The following FBN2 variants were observed in gnomAD, a reference collection of about 807,000 sequenced individuals.
FBN2 encodes fibrillin-2.
In FBN2, 105 loss-of-function variants were observed where a neutral mutation model predicts 355.6. The ratio of observed to expected loss-of-function variants is 0.30; its 90% CI spans 0.25 to 0.35. FBN2 has a LOEUF of 0.35. Among genes scored for constraint, FBN2 ranks in the 10% least tolerant of loss-of-function variants. The pLI is 1.00. For synonymous variants in FBN2, 1,350 were observed against 1,301.2 expected, an observed-to-expected ratio of 1.04 and a Z score of -0.81; for missense variants, 3,280 against 3,758.7, an observed-to-expected ratio of 0.87 and a Z score of 3.33.
intron 48 of FBN2, among the ~76,000 whole-genome samples, chr5:128,299,184 G>A (rs1043662335): frequency 2.6e-5 from 4 of 151,970 alleles, no homozygotes; most frequent in African/African-American, 9.7e-5. Context: ...GAGGCAGTCT[G>A]CCCGTTCTCA....
intron 7 of FBN2, among the ~76,000 whole-genome samples, chr5:128,432,270 A>T (rs1035407264): frequency 1.1e-4 from 17 of 152,194 alleles, no homozygotes; most frequent in African/African-American, 4.1e-4. Flanking sequence ...GCTTATTAAT[A>T]TTAAAATAAA....
chr5:128,492,248 T>C (rs1010438068), intron 5 of FBN2, among the ~76,000 whole-genome samples: 18 of 152,226 alleles, frequency 1.2e-4, no homozygotes, highest in African/African-American at 4.1e-4. Flanking sequence ...TTACTCACTA[T>C]AACCCAAGAT....
intron 5 of FBN2, among the ~76,000 whole-genome samples, chr5:128,484,310 TAGTTA>T (rs1755275734): frequency 1.3e-5 from 2 of 152,216 alleles, no homozygotes; most frequent in African/African-American, 4.8e-5. Context: ...AAAAGGGAAT[TAGTTA>T]AAGCTAAAAT....
rs1012820418 is a variant in FBN2, at chr5:128,350,039, A to G, written c.2813-34T>C. 13 of 1,521,164 alleles carry G rather than the reference A, an allele frequency of 8.5e-6. No homozygotes were observed. In the African/African-American group the frequency reaches 1.5e-4, roughly 18 times the overall value. The allele number at this position is 1,521,164 out of a possible 1,614,324, so 94.2% of individuals were successfully genotyped here. A position where few individuals can be genotyped will look rare whatever the true frequency, so the allele number is the denominator to read the frequency against. On this transcript the variant is annotated intron_variant, in intron 21 of 64. Transcript: ENST00000262464. ...ACAACAGGACAAATTTTACTTCATTATAGAATAAAATACAACCATGGTATG... is the reference window on the plus strand; with the variant it reads ...ACAACAGGACAAATTTTACTTCATTGTAGAATAAAATACAACCATGGTATG...
intron 35 of FBN2, 75 bp downstream of exon 35, chr5:128,318,804 C>G: frequency 6.7e-7 from 1 of 1,503,278 alleles, no homozygotes; most frequent in Non-Finnish European, 9.2e-7. Context: ...GCAGAAATCT[C>G]AGGAATTTTT....
At chr5:128,448,687 T>C (rs1330447825) in intron 6 of FBN2, among the ~76,000 whole-genome samples, 2 of 152,180 alleles carry the variant, frequency 1.3e-5, no homozygotes, top group Non-Finnish European at 2.9e-5. Context: ...TGTAATATTA[T>C]AAATACCCTA....
chr5:128,436,060 T>G (rs1483196052), intron 7 of FBN2, among the ~76,000 whole-genome samples: 1 of 149,998 alleles, frequency 6.7e-6, no homozygotes, highest in Non-Finnish European at 1.5e-5. Flanking sequence ...AATATGGCTG[T>G]TAGTTAACTA....
intron 7 of FBN2, among the ~76,000 whole-genome samples, chr5:128,413,639 A>G (rs139355685): frequency 6.4e-4 from 97 of 152,310 alleles, no homozygotes; most frequent in African/African-American, 2.2e-3. Flanking sequence ...TTTGATAAGT[A>G]GTGATAACAT....
In FBN2 at chr5:128,527,955, C is replaced by A. The variant is rs779482726; in HGVS notation, c.449G>T (p.Ser150Ile). The A allele has an allele frequency of 5.6e-6, 9 of 1,610,576 alleles. No individual in the cohort carries two copies. The highest frequency in any genetic ancestry group is 7.6e-6 in the Non-Finnish European group (9 of 1,177,174). The change falls in exon 4 of 65, where the codon AGT (serine) becomes ATT (isoleucine). Residue 150 changes from serine (S) to isoleucine (I), a missense_variant. Ser to Ile is a moderately radical substitution (Grantham distance 142). This residue lies in a region of FBN2 where 130 missense variants were observed against 189.9 expected (regional missense o/e 0.68). Transcript: ENST00000262464. ...GGTCCCACCATTCATGCATCTCACACTGCACTGCTGAACTGCAAAGAGCAA... is the reference window on the plus strand; with the variant it reads ...GGTCCCACCATTCATGCATCTCACAATGCACTGCTGAACTGCAAAGAGCAA... ...TCGSKSIQQC[S>I]VRCMNGGTCA...
Position 128,459,623 on chromosome 5 carries a change from C to T in FBN2, c.826+5101G>A, listed in dbSNP as rs372932357. ...TTATCCACCACCATCAAGTCAGCTT[C>T]GTCCCCAGGATGCAAGGCTGGTTCA... On this transcript the variant is annotated intron_variant, in intron 6 of 64. Transcript: ENST00000262464. Among the ~76,000 whole-genome samples the T allele has an allele frequency of 1.1e-4, 17 of 152,328 alleles. No homozygotes were observed. The East Asian group carries it at 1.2e-3, about 10-fold the overall frequency.
At chr5:128,483,257 C>G (rs758748416) in intron 5 of FBN2, among the ~76,000 whole-genome samples, 1 of 152,150 alleles carries the variant, frequency 6.6e-6, no homozygotes, top group Non-Finnish European at 1.5e-5. Flanking sequence ...ACCTCAGCAT[C>G]TTGCAATATA....
intron 50 of FBN2, 91 bp from the exon 51 acceptor site, chr5:128,290,038 T>A: frequency 1.3e-6 from 1 of 757,110 alleles, no homozygotes; most frequent in Non-Finnish European, 2.4e-6. Flanking sequence ...GAAATTACAC[T>A]TAATTATGTT....
Position 128,537,444 on chromosome 5 carries a change from A to T in FBN2, c.160T>A (p.Ser54Thr), listed in dbSNP as rs1756885112. The change falls in exon 1 of 65, where the codon TCT (serine) becomes ACT (threonine). Residue 54 changes from serine to threonine, a missense_variant. Around this residue, in one of 6 missense-constraint regions of FBN2, gnomAD observed 203 missense variants for 142.2 expected, o/e 1.43. Transcript: ENST00000262464. Reference sequence around the variant, plus strand: ...TCGGGCGCTAGAAACCCGCCTTCAGAGCCTGCTGTAGCGGACCGAACCTGT... The same window carrying T: ...TCGGGCGCTAGAAACCCGCCTTCAGTGCCTGCTGTAGCGGACCGAACCTGT... ...PQQVRSATAGSEGGFLAPEYR... is the reference protein window; with the variant it reads ...PQQVRSATAGTEGGFLAPEYR... 4 of 1,608,090 alleles carry T rather than the reference A, an allele frequency of 2.5e-6. No homozygotes were observed. The highest frequency in any genetic ancestry group is 1.7e-6 in the Non-Finnish European group (2 of 1,178,422).
rs753912399 is a variant in FBN2, at chr5:128,349,964, T to C, written c.2854A>G (p.Thr952Ala). The C allele has an allele frequency of 3.1e-6, 5 of 1,613,428 alleles. No homozygotes were observed. Among genetic ancestry groups the C allele is most frequent in the Non-Finnish European group, 4.2e-6 (5 of 1,179,412 alleles). ...GGAAGGATACACTCACCTTCACACG[T>C]AACACCTTTAATCCTGGCAAGCCCT... Reference protein sequence around the residue: ...PRGLARIKGVTCEDVNECEVF... With the variant: ...PRGLARIKGVACEDVNECEVF... The change falls in exon 22 of 65, where the codon ACG becomes GCG. Residue 952 changes from threonine to alanine, a missense_variant. This residue lies in a region of FBN2 where 2,284 missense variants were observed against 2,749.5 expected (regional missense o/e 0.83). Coordinates refer to ENST00000262464, the MANE Select transcript of FBN2 (RefSeq NM_001999.4).
intron 34 of FBN2, among the ~76,000 whole-genome samples, chr5:128,327,014 C>T (rs171527): frequency 0.16 from 24,974 of 152,202 alleles, 2,304 homozygotes; most frequent in Non-Finnish European, 0.21. Context: ...TGACCTGTTC[C>T]TTCTCCCACT....
intron 61 of FBN2, 33 bp from the exon 62 acceptor site, chr5:128,272,151 C>T (rs28763921): frequency 9.9e-6 from 16 of 1,613,306 alleles, no homozygotes; most frequent in Non-Finnish European, 1.4e-5. Flanking sequence ...ACCTTTATGT[C>T]ACCTTTCTTC....
At chr5:128,390,752 T>A (rs1041824307) in intron 11 of FBN2, among the ~76,000 whole-genome samples, 4 of 152,202 alleles carry the variant, frequency 2.6e-5, no homozygotes, top group Admixed American at 1.3e-4. Context: ...ATTATAGTTA[T>A]TCAGAGTTAT....
chr5:128,261,717 C>CA lies in FBN2; in HGVS notation c.8364+18dup, dbSNP rs752497923. ...GTAGGGATAAAATTTTGTGGCAACA[C>CA]AGAGTGGGATATACTCACAGCAGTG... On this transcript the variant is annotated intron_variant, in intron 64 of 64. Coordinates refer to ENST00000262464, the MANE Select transcript of FBN2 (RefSeq NM_001999.4). The CA allele has an allele frequency of 4.0e-5, 64 of 1,613,650 alleles. No homozygotes were observed. The African/African-American group carries it at 8.3e-4, about 21-fold the overall frequency.
At position 128,305,945 on chromosome 5, in the gene FBN2, A is replaced by G. The variant is rs766034866; in HGVS notation, c.5426T>C (p.Ile1809Thr). 5 of 1,613,482 alleles carry G rather than the reference A, an allele frequency of 3.1e-6. No individual in the cohort carries two copies. The highest frequency in any genetic ancestry group is 1.7e-5 in the Admixed American group (1 of 59,990). Residue 1809 changes from isoleucine (I) to threonine (T), a missense_variant, in exon 43 of 65, where the codon ATT becomes ACT. Coordinates refer to ENST00000262464, the MANE Select transcript of FBN2 (RefSeq NM_001999.4). ...FDIHTGKAVD[I>T]DECKEIPGIC... Reference sequence around the variant, plus strand: ...GCCTGGAATCTCTTTACATTCATCAATGTCTGAAATGGAACAGATTTGGTC... The same window carrying G: ...GCCTGGAATCTCTTTACATTCATCAGTGTCTGAAATGGAACAGATTTGGTC...
Sources: gnomAD v4.1 joint callset for allele counts (sites outside exome capture counted in the v4.1 genomes callset) on GRCh38, gnomAD v4.1.1 for gene constraint, gnomAD v4.1.1 regional missense constraint, MANE v1.5 for transcripts, NCBI Gene and HGNC (gene_info 2026-07-23, HGNC 2026-07-21) for gene names.